Variants in CSGALNACT1 observed in about 807,000 individuals in gnomAD.
The protein encoded by CSGALNACT1 is beta4GalNAcT-1.
In CSGALNACT1, 52 loss-of-function variants were observed where a neutral mutation model predicts 51.0. The observed-to-expected ratio is 1.02, with a 90% CI of 0.82 to 1.29. CSGALNACT1 has a LOEUF of 1.29. CSGALNACT1 is among the 50% of genes most tolerant of loss of function. CSGALNACT1 has a pLI of 0.00. For missense variants in CSGALNACT1, 935 were observed against 679.2 expected (o/e 1.38, Z -4.19); for synonymous variants, 341 against 254.4 (o/e 1.34, Z -3.24).
chr8:19,423,371 G>A (rs1472698772), intron 6 of CSGALNACT1, among the ~76,000 whole-genome samples: 2 of 152,244 alleles, frequency 1.3e-5, no homozygotes, highest in Non-Finnish European at 2.9e-5. Context: ...ACAAGTGATT[G>A]ATTAACTGCT....
At chr8:19,696,115 T>TA (rs1436053742) in intron 1 of CSGALNACT1, among the ~76,000 whole-genome samples, 3 of 152,238 alleles carry the variant, frequency 2.0e-5, no homozygotes, top group Non-Finnish European at 4.4e-5. Flanking sequence ...CAGGAATGCT[T>TA]ACGGCTATGG....
At chr8:19,525,696 T>C (rs1333790378) in intron 3 of CSGALNACT1, among the ~76,000 whole-genome samples, 1 of 117,694 alleles carries the variant, frequency 8.5e-6, no homozygotes, top group Non-Finnish European at 1.7e-5. Flanking sequence ...ATAAATGACC[T>C]AGAGAAAAGT....
intron 3 of CSGALNACT1, among the ~76,000 whole-genome samples, chr8:19,513,436 C>CTCTCTCTCTCTCTATATATATATATA: frequency 1.7e-4 from 14 of 81,968 alleles, no homozygotes; most frequent in East Asian, 7.9e-4. Context: ...CTCTCTCTCT[C>CTCTCTCTCTCTCTATATATATATATA]TATATATATA....
At chr8:19,572,522 C>G (rs937091938) in intron 3 of CSGALNACT1, among the ~76,000 whole-genome samples, 3 of 152,192 alleles carry the variant, frequency 2.0e-5, no homozygotes, top group Admixed American at 2.0e-4. Context: ...AAGGGAAAGG[C>G]TTCCTTGGCC....
chr8:19,586,808 T>G (rs2046758762), intron 3 of CSGALNACT1, among the ~76,000 whole-genome samples: 1 of 152,116 alleles, frequency 6.6e-6, no homozygotes. Context: ...ACAAAACAAG[T>G]CTTTACTTTA....
chr8:19,655,723 C>CT (rs2058214378), intron 1 of CSGALNACT1, among the ~76,000 whole-genome samples: 2 of 152,108 alleles, frequency 1.3e-5, no homozygotes, highest in Admixed American at 1.3e-4. Flanking sequence ...AGCTGCTAGT[C>CT]TTTTTTAATT....
chr8:19,649,157 T>A (rs1252881155), intron 1 of CSGALNACT1, among the ~76,000 whole-genome samples: 1 of 152,196 alleles, frequency 6.6e-6, no homozygotes, highest in African/African-American at 2.4e-5. Context: ...GTGATTCTAA[T>A]ATTCCCATTT....
intron 2 of CSGALNACT1, among the ~76,000 whole-genome samples, chr8:19,596,568 TG>T (rs1469991700): frequency 6.6e-6 from 1 of 151,512 alleles, no homozygotes; most frequent in Admixed American, 6.6e-5. Context: ...ATGTTTTAAC[TG>T]CAAATATAGG....
At chr8:19,730,076 T>C (rs934431039) in intron 1 of CSGALNACT1, among the ~76,000 whole-genome samples, 1 of 152,188 alleles carries the variant, frequency 6.6e-6, no homozygotes, top group Non-Finnish European at 1.5e-5. Context: ...ATCTTACTGA[T>C]AGCGCCCATG....
At chr8:19,618,293 A>T (rs1018099549) in intron 1 of CSGALNACT1, among the ~76,000 whole-genome samples, 2 of 152,106 alleles carry the variant, frequency 1.3e-5, no homozygotes, top group African/African-American at 4.8e-5. Flanking sequence ...GAAAATTATG[A>T]CACAGAGGAC....
chr8:19,466,714 G>C (rs182180279), intron 4 of CSGALNACT1, among the ~76,000 whole-genome samples: 4 of 151,938 alleles, frequency 2.6e-5, no homozygotes, highest in Admixed American at 6.6e-5. Context: ...ATGCTCAGAC[G>C]CTAGAAGGCA....
At chr8:19,580,419 T>C (rs2045309477) in intron 3 of CSGALNACT1, among the ~76,000 whole-genome samples, 1 of 152,212 alleles carries the variant, frequency 6.6e-6, no homozygotes, top group African/African-American at 2.4e-5. Flanking sequence ...TGGTAAATAC[T>C]TCAGGCTTTC....
intron 1 of CSGALNACT1, among the ~76,000 whole-genome samples, chr8:19,655,565 C>CATATAT (rs199657088): frequency 1.7e-5 from 1 of 59,168 alleles, no homozygotes; most frequent in Non-Finnish European, 3.7e-5. Context: ...TATATACACA[C>CATATAT]ACACACACAC....
chr8:19,552,516 T>A (rs373224088), intron 3 of CSGALNACT1, among the ~76,000 whole-genome samples: 8 of 152,116 alleles, frequency 5.3e-5, no homozygotes, highest in African/African-American at 1.4e-4. Context: ...AATAGAAACA[T>A]CCTTCTATGG....
intron 3 of CSGALNACT1, among the ~76,000 whole-genome samples, chr8:19,538,522 G>C (rs1368969263): frequency 6.6e-6 from 1 of 152,180 alleles, no homozygotes; most frequent in Non-Finnish European, 1.5e-5. Flanking sequence ...GTATGAACCT[G>C]ACCTCATGTC....
At chr8:19,543,626 A>C (rs373577877) in intron 3 of CSGALNACT1, among the ~76,000 whole-genome samples, 1 of 152,188 alleles carries the variant, frequency 6.6e-6, no homozygotes, top group African/African-American at 2.4e-5. Flanking sequence ...AACTGCATAC[A>C]TGTGGCTGCA....
At chr8:19,708,609 A>T (rs1564454967) in intron 1 of CSGALNACT1, among the ~76,000 whole-genome samples, 1 of 152,162 alleles carries the variant, frequency 6.6e-6, no homozygotes, top group Non-Finnish European at 1.5e-5. Flanking sequence ...CCCTTCCATT[A>T]AAAGAACTCA....
chr8:19,717,634 C>T (rs577371736), intron 1 of CSGALNACT1, among the ~76,000 whole-genome samples: 60 of 152,314 alleles, frequency 3.9e-4, no homozygotes, highest in African/African-American at 1.3e-3. Flanking sequence ...ACAGCTAATA[C>T]GCCCTATTCG....
At chr8:19,698,848 G>T (rs1239558761) in intron 1 of CSGALNACT1, among the ~76,000 whole-genome samples, 1 of 152,038 alleles carries the variant, frequency 6.6e-6, no homozygotes, top group Admixed American at 6.5e-5. Context: ...TATCTATGGG[G>T]GACTGGTTCC....
Sources: allele counts gnomAD v4.1 joint callset (sites outside exome capture counted in the v4.1 genomes callset), GRCh38; gene constraint gnomAD v4.1.1; transcripts MANE v1.5; gene names NCBI Gene and HGNC (gene_info 2026-07-23, HGNC 2026-07-21).